Variants in FOXJ3 observed in about 807,000 individuals in gnomAD.
FOXJ3 encodes forkhead box J3, also known as forkhead box protein J3.
A neutral mutation model predicts 76.1 loss-of-function variants in FOXJ3; 22 were observed. The ratio of observed to expected loss-of-function variants is 0.29; its 90% confidence interval spans 0.21 to 0.41. FOXJ3 has a LOEUF of 0.41. FOXJ3 is among the 10% of genes least tolerant of loss of function. The pLI is 1.00. For synonymous variants in FOXJ3, 269 were observed against 261.2 expected (o/e 1.03, Z -0.29); for missense variants, 613 against 762.1 (o/e 0.80, Z 2.30).
intron 1 of FOXJ3, among the ~76,000 whole-genome samples, chr1:42,320,211 G>T (rs144983343): frequency 1.3e-5 from 2 of 152,104 alleles, no homozygotes; most frequent in Non-Finnish European, 2.9e-5. Context: ...GGTGGTGAGC[G>T]TGGGGGAGGG....
intron 4 of FOXJ3, among the ~76,000 whole-genome samples, chr1:42,229,847 A>C (rs770649044): frequency 3.3e-5 from 5 of 152,202 alleles, no homozygotes; most frequent in Non-Finnish European, 7.3e-5. Flanking sequence ...AAATACCAAA[A>C]CTCATTGGAC....
chr1:42,296,070 A>AT (rs1388494929), intron 2 of FOXJ3, among the ~76,000 whole-genome samples: 1 of 151,958 alleles, frequency 6.6e-6, no homozygotes, highest in Non-Finnish European at 1.5e-5. Flanking sequence ...TCTCATTGTG[A>AT]TTTTAATTTG....
At chr1:42,225,951 T>C (rs1647524332) in intron 5 of FOXJ3, among the ~76,000 whole-genome samples, 1 of 152,172 alleles carries the variant, frequency 6.6e-6, no homozygotes, top group African/African-American at 2.4e-5. Flanking sequence ...CACGGACAGT[T>C]GTTCGCCCAA....
chr1:42,243,820 G>C (rs1649334656), intron 4 of FOXJ3, among the ~76,000 whole-genome samples: 1 of 152,098 alleles, frequency 6.6e-6, no homozygotes. Flanking sequence ...TAGAACAAAA[G>C]GACCTAAAAA....
At chr1:42,257,226 G>GA (rs2124598972) in intron 4 of FOXJ3, among the ~76,000 whole-genome samples, 1 of 152,268 alleles carries the variant, frequency 6.6e-6, no homozygotes, top group African/African-American at 2.4e-5. Context: ...CCCAAAGAAA[G>GA]ATCACAAGAA....
chr1:42,205,660 T>A (rs1237196140), intron 6 of FOXJ3, 102 bp downstream of exon 6: 1 of 714,024 alleles, frequency 1.4e-6, no homozygotes, highest in Non-Finnish European at 2.4e-6. Context: ...CAAATTTATA[T>A]AATCTTTAAA....
chr1:42,225,596 C>A (rs1443432795), intron 5 of FOXJ3, among the ~76,000 whole-genome samples: 4 of 152,122 alleles, frequency 2.6e-5, no homozygotes, highest in African/African-American at 9.7e-5. Context: ...CAACCAATAT[C>A]CAGCTTAGGC....
chr1:42,196,271 T>C (rs1476739506), intron 7 of FOXJ3, among the ~76,000 whole-genome samples: 1 of 152,188 alleles, frequency 6.6e-6, no homozygotes, highest in East Asian at 1.9e-4. Context: ...AATAAAATTA[T>C]CTCAATCCAT....
At chr1:42,216,134 C>A in intron 5 of FOXJ3, among the ~76,000 whole-genome samples, 1 of 152,078 alleles carries the variant, frequency 6.6e-6, no homozygotes, top group Non-Finnish European at 1.5e-5. Flanking sequence ...TAAGAAAGTT[C>A]TTTAGGCAGG....
chr1:42,218,829 C>G (rs764686845), intron 5 of FOXJ3, among the ~76,000 whole-genome samples: 7 of 152,194 alleles, frequency 4.6e-5, no homozygotes, highest in Non-Finnish European at 1.0e-4. Context: ...AGTCCTATCA[C>G]TACTCCTCCC....
chr1:42,308,498 G>A (rs1654602511), intron 2 of FOXJ3, among the ~76,000 whole-genome samples: 1 of 152,118 alleles, frequency 6.6e-6, no homozygotes, highest in Non-Finnish European at 1.5e-5. Flanking sequence ...ATCTAAGAAT[G>A]AGATTCCTCT....
intron 1 of FOXJ3, among the ~76,000 whole-genome samples, chr1:42,318,550 G>GGTCA (rs1655253962): frequency 6.6e-6 from 1 of 152,086 alleles, no homozygotes; most frequent in Non-Finnish European, 1.5e-5. Flanking sequence ...TCACCATGTT[G>GGTCA]GTCAAGCTGG....
At chr1:42,316,349 T>TTTTTTTTTTTTTTTTTTTTTTTTTTC (rs1553169820) in intron 1 of FOXJ3, among the ~76,000 whole-genome samples, 1 of 135,090 alleles carries the variant, frequency 7.4e-6, no homozygotes. Flanking sequence ...TTTTTTTTTT[T>TTTTTTTTTTTTTTTTTTTTTTTTTTC]CTGTAGAAAC....
rs916024048 is a variant in FOXJ3, at chr1:42,178,577, G to A, written c.*1133C>T. ...AGGCAGGCAGACTGCCTGAGCTCAA[G>A]AGTTTGCAACCAGCCCAGGCAACAT... On this transcript the variant is annotated 3_prime_UTR_variant, in exon 13 of 13. Coordinates refer to ENST00000361346, the MANE Select transcript of FOXJ3 (RefSeq NM_014947.5). 10 of 152,266 alleles carry A rather than the reference G, an allele frequency of 6.6e-5. No individual in the cohort carries two copies. Among genetic ancestry groups the A allele is most frequent in the African/African-American group, 2.4e-4 (10 of 41,462 alleles). 9.4% of individuals were successfully genotyped at this position (152,266 alleles called of 1,614,324 possible).
intron 2 of FOXJ3, among the ~76,000 whole-genome samples, chr1:42,305,614 C>CA (rs1308681821): frequency 2.6e-5 from 4 of 151,652 alleles, no homozygotes; most frequent in Non-Finnish European, 4.4e-5. Context: ...AAGCCAGGCA[C>CA]AAAAATATAA....
chr1:42,306,716 A>T (rs778774567), intron 2 of FOXJ3, among the ~76,000 whole-genome samples: 1 of 152,196 alleles, frequency 6.6e-6, no homozygotes, highest in Non-Finnish European at 1.5e-5. Context: ...ATATAAATAC[A>T]ATAGATTCAG....
intron 4 of FOXJ3, among the ~76,000 whole-genome samples, chr1:42,255,639 C>T (rs1159987940): frequency 6.6e-6 from 1 of 152,102 alleles, no homozygotes; most frequent in Admixed American, 6.5e-5. Flanking sequence ...AAGCAAAATA[C>T]TGGAAAAAGA....
chr1:42,214,025 A>G (rs1283895327), intron 5 of FOXJ3, among the ~76,000 whole-genome samples: 2 of 152,226 alleles, frequency 1.3e-5, no homozygotes, highest in African/African-American at 2.4e-5. Context: ...CCCCATAAAT[A>G]TATACAATTA....
chr1:42,320,496 ATT>A (rs1236110548), intron 1 of FOXJ3, among the ~76,000 whole-genome samples: 71 of 152,326 alleles, frequency 4.7e-4, no homozygotes, highest in Non-Finnish European at 1.9e-4. Flanking sequence ...CAATTTACAC[ATT>A]TATTTTTACA....
Sources: allele counts gnomAD v4.1 joint callset (sites outside exome capture counted in the v4.1 genomes callset), GRCh38; gene constraint gnomAD v4.1.1; transcripts MANE v1.5; gene names NCBI Gene and HGNC (gene_info 2026-07-23, HGNC 2026-07-21).